The following ADAMTS17 variants were observed in gnomAD, a reference collection of about 807,000 sequenced individuals.
The protein encoded by ADAMTS17 is ADAM metallopeptidase with thrombospondin type 1 motif 17, also known as A disintegrin and metalloproteinase with thrombospondin motifs 17.
A neutral mutation model predicts 141.5 loss-of-function variants in ADAMTS17; 113 were observed. The ratio of observed to expected loss-of-function variants is 0.80; its 90% CI spans 0.69 to 0.93. The LOEUF is 0.93. Among genes scored for constraint, ADAMTS17 ranks in the 40% least tolerant of loss-of-function variants. The pLI is 0.00. For synonymous variants in ADAMTS17, 768 were observed against 630.6 expected (o/e 1.22, Z -3.27); for missense variants, 1,659 against 1,517.9 (o/e 1.09, Z -1.54).
At chr15:100,212,368 G>T (rs2041837299) in intron 7 of ADAMTS17, among the ~76,000 whole-genome samples, 1 of 152,204 alleles carries the variant, frequency 6.6e-6, no homozygotes, top group Non-Finnish European at 1.5e-5. Flanking sequence ...GACAGGAGAA[G>T]CCTGCCAACT....
chr15:100,306,548 C>G (rs1159890416), intron 3 of ADAMTS17: 1 of 456,064 alleles, frequency 2.2e-6, no homozygotes, highest in Non-Finnish European at 4.4e-6. Flanking sequence ...GATTTCAAGT[C>G]CTCCCAGGTG....
At chr15:100,173,704 A>G (rs2040239320) in intron 8 of ADAMTS17, among the ~76,000 whole-genome samples, 1 of 152,242 alleles carries the variant, frequency 6.6e-6, no homozygotes, top group Non-Finnish European at 1.5e-5. Context: ...CACTGTAAGC[A>G]TCCCACTGTG....
At chr15:100,065,591 G>A (rs545681043) in intron 15 of ADAMTS17, among the ~76,000 whole-genome samples, 8 of 152,040 alleles carry the variant, frequency 5.3e-5, no homozygotes, top group East Asian at 1.9e-4. Flanking sequence ...ATGCTATTGC[G>A]GCATACTCGT....
At chr15:100,253,350 T>TA (rs554190102) in intron 7 of ADAMTS17, among the ~76,000 whole-genome samples, 5 of 96,468 alleles carry the variant, frequency 5.2e-5, no homozygotes, top group African/African-American at 8.6e-5. Context: ...AAGGGGAAGG[T>TA]GAGGGAGGGG....
At chr15:100,160,730 T>C (rs970859891) in intron 8 of ADAMTS17, among the ~76,000 whole-genome samples, 1 of 152,144 alleles carries the variant, frequency 6.6e-6, no homozygotes, top group Non-Finnish European at 1.5e-5. Flanking sequence ...GTCAGCAAAA[T>C]CAGCCGAGTG....
Position 100,307,729 on chromosome 15 carries a change from C to T in ADAMTS17, c.616+23160G>A, listed in dbSNP as rs74903303. Among the ~76,000 whole-genome samples the T allele has an allele frequency of 4.8e-3, 737 of 152,258 alleles. 2 individuals carry two copies. Among genetic ancestry groups the T allele is most frequent in the African/African-American group, 0.017 (687 of 41,556 alleles). Reference sequence around the variant, plus strand: ...AAATGAGATAGCCGATGTCACGTGCCGCGTGCAGTGCCAGGTGTGGCTGGC... The same window carrying T: ...AAATGAGATAGCCGATGTCACGTGCTGCGTGCAGTGCCAGGTGTGGCTGGC... On this transcript the variant is annotated intron_variant, in intron 3 of 21. Coordinates refer to ENST00000268070, the MANE Select transcript of ADAMTS17 (RefSeq NM_139057.4).
At chr15:100,031,888 G>A (rs967284872) in intron 18 of ADAMTS17, among the ~76,000 whole-genome samples, 1 of 152,190 alleles carries the variant, frequency 6.6e-6, no homozygotes, top group African/African-American at 2.4e-5. Context: ...ACAAATATTT[G>A]CTGAGTGAAT....
chr15:100,162,541 GTA>G (rs1189787575), intron 8 of ADAMTS17, among the ~76,000 whole-genome samples: 1 of 38,236 alleles, frequency 2.6e-5, no homozygotes, highest in Admixed American at 3.5e-4. Flanking sequence ...CATTATATGT[GTA>G]TATATATGCA....
At chr15:100,271,114 C>G (rs1567464167) in intron 4 of ADAMTS17, among the ~76,000 whole-genome samples, 1 of 152,088 alleles carries the variant, frequency 6.6e-6, no homozygotes, top group African/African-American at 2.4e-5. Context: ...TCCATTATAC[C>G]TATACGCTAT....
At chr15:100,165,900 T>A (rs1362907776) in intron 8 of ADAMTS17, among the ~76,000 whole-genome samples, 1 of 152,184 alleles carries the variant, frequency 6.6e-6, no homozygotes, top group Non-Finnish European at 1.5e-5. Context: ...TTTTGTTTTT[T>A]TTTCCAGAAT....
chr15:100,056,404 C>T (rs979585670), intron 15 of ADAMTS17, among the ~76,000 whole-genome samples: 9 of 136,898 alleles, frequency 6.6e-5, no homozygotes, highest in Non-Finnish European at 9.2e-5. Flanking sequence ...GGACTGGTTT[C>T]GTGGAAGGCA....
intron 8 of ADAMTS17, among the ~76,000 whole-genome samples, chr15:100,172,982 T>C (rs2040215202): frequency 6.6e-6 from 1 of 152,194 alleles, no homozygotes; most frequent in African/African-American, 2.4e-5. Context: ...AGAGTGCTTC[T>C]CAAACTTCTG....
chr15:100,106,681 G>A (rs1274051800), intron 14 of ADAMTS17, among the ~76,000 whole-genome samples: 2 of 152,192 alleles, frequency 1.3e-5, no homozygotes, highest in Admixed American at 6.5e-5. Context: ...GGGATGGCTC[G>A]GCTGGTGCTG....
intron 2 of ADAMTS17, among the ~76,000 whole-genome samples, chr15:100,339,879 G>A (rs866444166): frequency 3.1e-4 from 47 of 152,268 alleles, no homozygotes; most frequent in African/African-American, 1.1e-3. Context: ...GGAAGAAAGA[G>A]AGGTCTCACA....
chr15:100,205,216 G>A (rs927576508), intron 7 of ADAMTS17, among the ~76,000 whole-genome samples: 3 of 152,110 alleles, frequency 2.0e-5, no homozygotes, highest in Non-Finnish European at 2.9e-5. Context: ...CAGATGACTC[G>A]AGGGTCCCTG....
chr15:100,130,017 C>T (rs1162920596), intron 12 of ADAMTS17, among the ~76,000 whole-genome samples: 2 of 152,184 alleles, frequency 1.3e-5, no homozygotes, highest in Non-Finnish European at 2.9e-5. Context: ...TAATTTCCCA[C>T]CATTTAGCTA....
chr15:100,076,906 GTTA>G (rs1213484622), intron 15 of ADAMTS17, among the ~76,000 whole-genome samples: 1 of 152,058 alleles, frequency 6.6e-6, no homozygotes. Context: ...GATCATGTAT[GTTA>G]TTATGTATAG....
At chr15:100,043,440 C>T (rs771801584) in intron 18 of ADAMTS17, among the ~76,000 whole-genome samples, 1 of 152,132 alleles carries the variant, frequency 6.6e-6, no homozygotes, top group Non-Finnish European at 1.5e-5. Flanking sequence ...CTAACACGTC[C>T]TCCTTTGTAT....
At chr15:100,144,422 C>T (rs2038802255) in intron 10 of ADAMTS17, among the ~76,000 whole-genome samples, 2 of 152,082 alleles carry the variant, frequency 1.3e-5, no homozygotes, top group African/African-American at 2.4e-5. Flanking sequence ...TGGTGGAAGG[C>T]ACCTGTAATC....
Sources: allele counts gnomAD v4.1 joint callset (sites outside exome capture counted in the v4.1 genomes callset), GRCh38; gene constraint gnomAD v4.1.1; transcripts MANE v1.5; gene names NCBI Gene and HGNC (gene_info 2026-07-23, HGNC 2026-07-21).